RTN4RL1: variants seen among roughly 807,000 people sequenced by gnomAD.
The protein encoded by RTN4RL1 is reticulon 4 receptor like 1, also known as reticulon-4 receptor-like 1.
RTN4RL1 carries 7 observed loss-of-function variants against 25.6 expected under a neutral mutation model. The observed-to-expected ratio is 0.27, with a 90% CI of 0.16 to 0.51. The LOEUF (loss-of-function observed/expected upper bound fraction) is 0.51. Ranked by LOEUF, RTN4RL1 falls within the 20% of genes least tolerant of loss-of-function variation. The probability of loss-of-function intolerance (pLI) is 0.97; values close to 1 mark genes in which losing one functional copy is unlikely to be tolerated. For synonymous variants in RTN4RL1, 297 were observed against 288.2 expected (o/e 1.03, Z -0.31); for missense variants, 500 against 615.6 (o/e 0.81, Z 1.99).
At chr17:1,964,133 C>T (rs2066778396) in intron 1 of RTN4RL1, among the ~76,000 whole-genome samples, 1 of 152,252 alleles carries the variant, frequency 6.6e-6, no homozygotes, top group East Asian at 1.9e-4. Flanking sequence ...GCTGCGCTGT[C>T]CAGCATAGTA....
chr17:1,952,331 G>GTTTTTTTTTTT (rs1213295319), intron 1 of RTN4RL1, among the ~76,000 whole-genome samples: 1 of 99,774 alleles, frequency 1.0e-5, no homozygotes, highest in Admixed American at 1.0e-4. Flanking sequence ...AAGGGAGGTT[G>GTTTTTTTTTTT]GTTTTTTTTT....
intron 1 of RTN4RL1, among the ~76,000 whole-genome samples, chr17:2,004,783 C>G (rs1350424859): frequency 6.6e-6 from 1 of 152,136 alleles, no homozygotes; most frequent in Non-Finnish European, 1.5e-5. Flanking sequence ...TTTCCTGCCC[C>G]TGGCCAGGGC....
Position 1,980,757 on chromosome 17 carries a change from G to C in RTN4RL1, c.14-42949C>G, listed in dbSNP as rs577407417. 4.0e-5 allele frequency among the ~76,000 whole-genome samples: 6 copies of C among 151,246 alleles called. No homozygotes were observed. The South Asian group carries it at 1.3e-3, about 32-fold the overall frequency. On this transcript the variant is annotated intron_variant, in intron 1 of 1. Coordinates refer to ENST00000331238, the MANE Select transcript of RTN4RL1 (RefSeq NM_178568.4). ...AGCCTGGCCAACATGGAGAAACCCC[G>C]TCTCTACTAAAAATACACAAAAACA...
intron 1 of RTN4RL1, among the ~76,000 whole-genome samples, chr17:2,013,166 A>C (rs1256827381): frequency 6.6e-6 from 1 of 152,156 alleles, no homozygotes; most frequent in African/African-American, 2.4e-5. Context: ...CAGATTGAGT[A>C]ATTTGATGAA....
At chr17:1,946,382 G>T (rs763935622) in intron 1 of RTN4RL1, among the ~76,000 whole-genome samples, 2 of 152,254 alleles carry the variant, frequency 1.3e-5, no homozygotes, top group Non-Finnish European at 2.9e-5. Context: ...CCAGGAGGCC[G>T]GCCTGGGCCC....
Position 1,991,811 on chromosome 17 carries a change from G to A in RTN4RL1, c.13+33042C>T, listed in dbSNP as rs543795482. Among the ~76,000 whole-genome samples, 6 of 152,288 alleles carry A rather than the reference G, an allele frequency of 3.9e-5. No individual in the cohort carries two copies. In the South Asian group the frequency reaches 1.0e-3, roughly 26 times the overall value. ...CTGATGGACAAGTAGGTTGTTTCCA[G>A]TTTCTGAACTTGCATGCTCCCACAT... On this transcript the variant is annotated intron_variant, in intron 1 of 1. Coordinates refer to ENST00000331238, the MANE Select transcript of RTN4RL1 (RefSeq NM_178568.4).
chr17:1,999,432 C>A (rs2066946213), intron 1 of RTN4RL1, among the ~76,000 whole-genome samples: 1 of 146,776 alleles, frequency 6.8e-6, no homozygotes, highest in South Asian at 2.2e-4. Context: ...AGCAACAGAG[C>A]AAGACTCCGT....
rs1915277436 is a variant in RTN4RL1 at position 1,935,536 on chromosome 17, C to T, written c.*960G>A. Reference sequence around the variant, plus strand: ...CCCCAGGCCCTTGGCAAGGCCAGGTCCCTTGGAGACTATCGTTGCCAGTTT... The same window carrying T: ...CCCCAGGCCCTTGGCAAGGCCAGGTTCCTTGGAGACTATCGTTGCCAGTTT... On this transcript the variant is annotated 3_prime_UTR_variant, in exon 2 of 2. Transcript: ENST00000331238. 1.0e-6 allele frequency: 1 copy of T among 985,438 alleles called. No homozygotes were observed. The highest frequency in any genetic ancestry group is 6.2e-5 in the Admixed American group (1 of 16,242). The allele number at this position is 985,438 out of a possible 1,614,324, so 61.0% of individuals were successfully genotyped here. A position where few individuals can be genotyped will look rare whatever the true frequency, so the allele number is the denominator to read the frequency against.
intron 1 of RTN4RL1, among the ~76,000 whole-genome samples, chr17:1,969,639 C>A (rs1477355209): frequency 6.6e-6 from 1 of 152,188 alleles, no homozygotes; most frequent in Non-Finnish European, 1.5e-5. Flanking sequence ...CTCTGCCTGC[C>A]TGGACTATCT....
Position 2,011,572 on chromosome 17 carries a change from G to A in RTN4RL1, c.13+13281C>T, listed in dbSNP as rs79070095. On this transcript the variant is annotated intron_variant, in intron 1 of 1. Coordinates refer to ENST00000331238, the MANE Select transcript of RTN4RL1 (RefSeq NM_178568.4). ...GCTGGCGGGGTGGAGGGAGAGGCCA[G>A]GGCAGAGAGGCCAGGAGAGGGACCA... Among the ~76,000 whole-genome samples the A allele has an allele frequency of 5.5e-3, 837 of 152,306 alleles. 6 individuals are homozygous for A. The highest frequency in any genetic ancestry group is 7.4e-3 in the Non-Finnish European group (502 of 68,020).
intron 1 of RTN4RL1, chr17:2,003,468 G>A (rs2066972460): frequency 6.6e-6 from 1 of 152,250 alleles, no homozygotes; most frequent in South Asian, 2.1e-4. Flanking sequence ...AGTGATGCAG[G>A]AGGAACAGCA....
intron 1 of RTN4RL1, among the ~76,000 whole-genome samples, chr17:1,977,927 C>T (rs571367916): frequency 6.6e-6 from 1 of 151,498 alleles, no homozygotes; most frequent in East Asian, 2.0e-4. Context: ...CCCCGCGTCC[C>T]GCACCCCGCA....
intron 1 of RTN4RL1, 95 bp downstream of exon 1, chr17:2,024,758 C>A (rs992718268): frequency 7.5e-7 from 1 of 1,337,176 alleles, no homozygotes; most frequent in Non-Finnish European, 1.0e-6. Flanking sequence ...GGGGCTACTT[C>A]CCAGACCGGG....
At chr17:2,015,267 G>A (rs748697685) in intron 1 of RTN4RL1, among the ~76,000 whole-genome samples, 7 of 152,162 alleles carry the variant, frequency 4.6e-5, no homozygotes, top group South Asian at 4.1e-4. Context: ...GGTGCCAGAT[G>A]CCATGATGGG....
rs73288330 is a variant in RTN4RL1, at chr17:1,935,462, A to G, written c.*1034T>C. 647 of 746,042 alleles carry G rather than the reference A, an allele frequency of 8.7e-4. 6 individuals are homozygous for G. The African/African-American group carries it at 0.011, about 13-fold the overall frequency. 46.2% of individuals were successfully genotyped at this position (746,042 alleles called of 1,614,324 possible). ...AATATCTAAGAATATTGGTCCCCCA[A>G]AGTGACTCTTGCTGCCTCCCCCTTC... On this transcript the variant is annotated 3_prime_UTR_variant, in exon 2 of 2. Transcript: ENST00000331238.
intron 1 of RTN4RL1, among the ~76,000 whole-genome samples, chr17:1,977,258 T>G (rs1337793674): frequency 6.6e-6 from 1 of 151,854 alleles, no homozygotes; most frequent in African/African-American, 2.4e-5. Context: ...GAGACTAGAG[T>G]CTGGGGAACA....
chr17:2,006,044 G>A (rs949774489), intron 1 of RTN4RL1, among the ~76,000 whole-genome samples: 4 of 151,806 alleles, frequency 2.6e-5, no homozygotes, highest in South Asian at 2.1e-4. Flanking sequence ...TGATCCACCC[G>A]CCTTGGACTC....
At position 1,962,863 on chromosome 17, in the gene RTN4RL1, GAA is replaced by G. The variant is rs367639702; in HGVS notation, c.14-25057_14-25056del. Among the ~76,000 whole-genome samples the G allele has an allele frequency of 4.1e-3, 465 of 114,780 alleles. 1 individual carries two copies. The highest frequency in any genetic ancestry group is 5.9e-3 in the African/African-American group (169 of 28,636). 75.3% of individuals were successfully genotyped at this position (114,780 alleles called of 152,430 possible). ...GGCGGCAGAGGGAGACTCGATCTCA[GAA>G]AAAAAAAAAAAAAAAAGAGATGTGG... On this transcript the variant is annotated intron_variant, in intron 1 of 1. Transcript: ENST00000331238.
At chr17:1,971,741 T>A (rs2066820107) in intron 1 of RTN4RL1, among the ~76,000 whole-genome samples, 1 of 151,636 alleles carries the variant, frequency 6.6e-6, no homozygotes, top group South Asian at 2.1e-4. Context: ...GGCGGGTGGA[T>A]CACGAGGTCA....
Sources: gnomAD v4.1 joint callset for allele counts (sites outside exome capture counted in the v4.1 genomes callset) on GRCh38, gnomAD v4.1.1 for gene constraint, MANE v1.5 for transcripts, NCBI Gene and HGNC (gene_info 2026-07-23, HGNC 2026-07-21) for gene names.